Variants in LRP1B observed in about 807,000 individuals in gnomAD.
LRP1B encodes the protein low-density lipoprotein receptor-related protein 1B.
LRP1B carries 217 observed loss-of-function variants against 556.6 expected under a neutral mutation model. The observed-to-expected ratio is 0.39, with a 90% CI of 0.35 to 0.44. The LOEUF is 0.44. Among genes scored for constraint, LRP1B ranks in the 20% least tolerant of loss-of-function variants. The probability of loss-of-function intolerance (pLI) is 1.00; values close to 1 mark genes in which losing one functional copy is unlikely to be tolerated. For missense variants in LRP1B, 5,053 were observed against 5,620.8 expected, an observed-to-expected ratio of 0.90 and a Z score of 3.23; for synonymous variants, 2,047 against 1,865.8, an observed-to-expected ratio of 1.10 and a Z score of -2.50.
intron 84 of LRP1B, among the ~76,000 whole-genome samples, chr2:140,290,308 C>T (rs1683323014): frequency 6.6e-6 from 1 of 151,960 alleles, no homozygotes; most frequent in South Asian, 2.1e-4. Flanking sequence ...ATAGCAGATG[C>T]ACTTTGGAGG....
chr2:140,399,231 A>G (rs1684391080), intron 66 of LRP1B, among the ~76,000 whole-genome samples: 1 of 144,830 alleles, frequency 6.9e-6, no homozygotes, highest in Non-Finnish European at 1.5e-5. Flanking sequence ...GATATTTGAT[A>G]TTTTTAAATT....
At chr2:141,483,422 T>A (rs1682998510) in intron 2 of LRP1B, among the ~76,000 whole-genome samples, 1 of 113,730 alleles carries the variant, frequency 8.8e-6, no homozygotes, top group Non-Finnish European at 2.0e-5. Flanking sequence ...ACTATAAACA[T>A]ACCTGTGCAT....
chr2:140,723,033 ACT>A (rs1193607980), intron 35 of LRP1B, among the ~76,000 whole-genome samples: 1 of 152,102 alleles, frequency 6.6e-6, no homozygotes, highest in Non-Finnish European at 1.5e-5. Context: ...ACAGAGCGAG[ACT>A]CTGTCTCAAA....
intron 2 of LRP1B, among the ~76,000 whole-genome samples, chr2:141,600,003 G>T (rs747783687): frequency 3.3e-5 from 5 of 151,986 alleles, no homozygotes; most frequent in Non-Finnish European, 7.4e-5. Context: ...CTCCTTAGTG[G>T]CAGTTTTCTC....
chr2:141,130,507 T>C (rs1189691292), intron 7 of LRP1B, among the ~76,000 whole-genome samples: 1 of 152,116 alleles, frequency 6.6e-6, no homozygotes, highest in Non-Finnish European at 1.5e-5. Context: ...CCATCTTTTA[T>C]AGAGCACTAT....
Position 140,839,971 on chromosome 2 carries a change from C to T in LRP1B, c.5209+20G>A. 1 of 1,504,862 alleles carries T rather than the reference C, an allele frequency of 6.6e-7. No individual in the cohort carries two copies. The highest frequency in any genetic ancestry group is 1.4e-5 in the African/African-American group (1 of 72,484). 93.2% of individuals were successfully genotyped at this position (1,504,862 alleles called of 1,614,324 possible). A position where few individuals can be genotyped will look rare whatever the true frequency, so the allele number is the denominator to read the frequency against. ...GTTTGTCACATTGAAAACTTGGTGA[C>T]TATTAAAAAAAATACTTACCAACTG... On this transcript the variant is annotated intron_variant, in intron 31 of 90. Coordinates refer to ENST00000389484, the MANE Select transcript of LRP1B (RefSeq NM_018557.3).
At chr2:140,922,321 C>A (rs1451064219) in intron 21 of LRP1B, among the ~76,000 whole-genome samples, 1 of 151,568 alleles carries the variant, frequency 6.6e-6, no homozygotes, top group Non-Finnish European at 1.5e-5. Context: ...CACACGCACA[C>A]ACACGAAACC....
rs1424130265 is a variant in LRP1B at position 141,055,156 on chromosome 2, C to G, written c.1512G>C (p.Arg504Ser). ...SSYKTRTCRC[R>S]TGFNLGSDGR... ...CATCACTTCCCAAGTTGAAGCCAGTCCTGCAGCGACAAGTCCGAGTTTTGT... is the reference window on the plus strand; with the variant it reads ...CATCACTTCCCAAGTTGAAGCCAGTGCTGCAGCGACAAGTCCGAGTTTTGT... The change falls in exon 10 of 91, where the codon AGG becomes AGC. Residue 504 changes from arginine (R) to serine (S), a missense_variant. Arg to Ser is a moderately radical substitution (Grantham distance 110). Around this residue, in one of 5 missense-constraint regions of LRP1B, gnomAD observed 3,619 missense variants for 3,931.9 expected, o/e 0.92. Coordinates refer to ENST00000389484, the MANE Select transcript of LRP1B (RefSeq NM_018557.3). 1 of 1,612,310 alleles carries G rather than the reference C, an allele frequency of 6.2e-7. No individual in the cohort carries two copies. Among genetic ancestry groups the G allele is most frequent in the Non-Finnish European group, 8.5e-7 (1 of 1,179,046 alleles).
chr2:142,016,866 A>ATATGTATATATGTGTT, intron 1 of LRP1B, among the ~76,000 whole-genome samples: 1 of 148,442 alleles, frequency 6.7e-6, no homozygotes, highest in South Asian at 2.2e-4. Context: ...ATACACACAC[A>ATATGTATATATGTGTT]TATATGTATA....
intron 3 of LRP1B, among the ~76,000 whole-genome samples, chr2:141,439,060 G>A (rs1271945789): frequency 6.6e-6 from 1 of 152,026 alleles, no homozygotes; most frequent in Non-Finnish European, 1.5e-5. Context: ...TTTATATAAT[G>A]TTCATAAAAT....
At chr2:140,263,650 C>T (rs902033284) in intron 86 of LRP1B, among the ~76,000 whole-genome samples, 1 of 152,128 alleles carries the variant, frequency 6.6e-6, no homozygotes, top group African/African-American at 2.4e-5. Flanking sequence ...AAACACTAGA[C>T]AGAACAGAGT....
At chr2:141,651,572 C>A (rs1344204851) in intron 2 of LRP1B, among the ~76,000 whole-genome samples, 1 of 151,998 alleles carries the variant, frequency 6.6e-6, no homozygotes. Flanking sequence ...GGCTGAGGCA[C>A]AAGAATTGCT....
At chr2:140,685,142 T>A (rs1194630227) in intron 41 of LRP1B, among the ~76,000 whole-genome samples, 3 of 152,232 alleles carry the variant, frequency 2.0e-5, no homozygotes, top group Admixed American at 6.5e-5. Flanking sequence ...AGAGGGACCC[T>A]CTACTTTCTT....
intron 7 of LRP1B, among the ~76,000 whole-genome samples, chr2:141,065,492 GAGCAGTTCTTC>G (rs1699456368): frequency 6.6e-6 from 1 of 151,748 alleles, no homozygotes. Flanking sequence ...CTTTAATCTT[GAGCAGTTCTTC>G]AGCTTTCCTT....
chr2:141,250,744 C>T (rs764896023), intron 4 of LRP1B, among the ~76,000 whole-genome samples: 11 of 152,174 alleles, frequency 7.2e-5, no homozygotes, highest in Non-Finnish European at 1.0e-4. Context: ...ATGCAGTCTA[C>T]GCTACCTCTG....
intron 1 of LRP1B, among the ~76,000 whole-genome samples, chr2:142,082,881 T>C (rs1705772845): frequency 6.6e-6 from 1 of 152,176 alleles, no homozygotes; most frequent in Admixed American, 6.5e-5. Context: ...AACTTTTGGA[T>C]GGGCTTTTTT....
chr2:140,592,289 A>G (rs1224820509), intron 43 of LRP1B, among the ~76,000 whole-genome samples: 1 of 152,200 alleles, frequency 6.6e-6, no homozygotes, highest in Non-Finnish European at 1.5e-5. Flanking sequence ...GGCATTAAAT[A>G]TTAGACATAG....
At chr2:140,476,865 G>A (rs541372268) in intron 59 of LRP1B, among the ~76,000 whole-genome samples, 55 of 152,004 alleles carry the variant, frequency 3.6e-4, no homozygotes, top group Non-Finnish European at 4.7e-4. Flanking sequence ...GGGCAATACC[G>A]GAATTCCTCC....
intron 3 of LRP1B, among the ~76,000 whole-genome samples, chr2:141,465,747 T>C (rs1682165781): frequency 6.6e-6 from 1 of 152,000 alleles, no homozygotes; most frequent in South Asian, 2.1e-4. Flanking sequence ...ACAGGTTTTT[T>C]CCATGTTTTC....
Sources: gnomAD v4.1 joint callset for allele counts (sites outside exome capture counted in the v4.1 genomes callset) on GRCh38, gnomAD v4.1.1 for gene constraint, gnomAD v4.1.1 regional missense constraint, MANE v1.5 for transcripts, NCBI Gene and HGNC (gene_info 2026-07-23, HGNC 2026-07-21) for gene names.